MLLT1: variants seen among roughly 807,000 people sequenced by gnomAD.
The protein encoded by MLLT1 is MLLT1 super elongation complex subunit.
Under a neutral mutation model 55.1 loss-of-function variants are expected in MLLT1, and 11 were observed. That is an observed-to-expected ratio of 0.20 (90% confidence interval 0.13 to 0.33). MLLT1 has a LOEUF of 0.33. Among genes scored for constraint, MLLT1 ranks in the 10% least tolerant of loss-of-function variants. The pLI is 1.00. For missense variants in MLLT1, 536 were observed against 760.6 expected (o/e 0.70, Z 3.47); for synonymous variants, 323 against 320.1 (o/e 1.01, Z -0.10).
At chr19:6,253,754 T>G (rs1324707011) in intron 3 of MLLT1, among the ~76,000 whole-genome samples, 1 of 152,106 alleles carries the variant, frequency 6.6e-6, no homozygotes, top group Non-Finnish European at 1.5e-5. Context: ...TAGAGACAGA[T>G]AAGAGCATGT....
In MLLT1 at chr19:6,262,613, G is replaced by T. The variant is rs1291139228; in HGVS notation, c.194-303C>A. Among the ~76,000 whole-genome samples the T allele has an allele frequency of 6.6e-6, 1 of 152,174 alleles. No homozygotes were observed. The highest frequency in any genetic ancestry group is 1.5e-5 in the Non-Finnish European group (1 of 68,016). ...ACTTGCTCCTGCAGAGGATGAGGAGGCTGAGGCCAGAGAAGGCTGCACAAG... is the reference window on the plus strand; with the variant it reads ...ACTTGCTCCTGCAGAGGATGAGGAGTCTGAGGCCAGAGAAGGCTGCACAAG... On this transcript the variant is annotated intron_variant, in intron 2 of 11. Transcript: ENST00000252674. The surrounding 1 kb of genome is among the most constrained non-coding windows in gnomAD (Gnocchi z 4.4).
In MLLT1 at chr19:6,240,733, G is replaced by A. The variant is rs1171403141; in HGVS notation, c.277-10020C>T. 2.0e-5 allele frequency among the ~76,000 whole-genome samples: 3 copies of A among 152,118 alleles called. No individual in the cohort carries two copies. Among genetic ancestry groups the A allele is most frequent in the African/African-American group, 7.2e-5 (3 of 41,418 alleles). On this transcript the variant is annotated intron_variant, in intron 3 of 11. Coordinates refer to ENST00000252674, the MANE Select transcript of MLLT1 (RefSeq NM_005934.4). The surrounding 1 kb of genome is among the most constrained non-coding windows in gnomAD (Gnocchi z 4.7). Reference sequence around the variant, plus strand: ...CTACGAACCTCCCGAGACAGCAGGAGAATTCAGGGGCAGAGGGAAGGAAAA... The same window carrying A: ...CTACGAACCTCCCGAGACAGCAGGAAAATTCAGGGGCAGAGGGAAGGAAAA...
Position 6,230,455 on chromosome 19 carries a change from C to A in MLLT1, c.420+115G>T. 7.6e-7 allele frequency: 1 copy of A among 1,308,932 alleles called. No homozygotes were observed. The highest frequency in any genetic ancestry group is 1.0e-6 in the Non-Finnish European group (1 of 957,890). 81.1% of individuals were successfully genotyped at this position (1,308,932 alleles called of 1,614,324 possible). On this transcript the variant is annotated intron_variant, in intron 4 of 11. Transcript: ENST00000252674. This position sits in a 1 kb window ranked among gnomAD's most constrained non-coding sequence, Gnocchi z 9.0. The stretch of plus-strand genomic sequence containing the variant: ...AGCTCTGCTGGGTGCTGCCGTGTGA[C>A]CTGCGCCTTGGGTCTCGGCCCCCAG...
intron 3 of MLLT1, among the ~76,000 whole-genome samples, chr19:6,247,365 C>T (rs936216864): frequency 3.3e-5 from 5 of 152,154 alleles, no homozygotes; most frequent in Non-Finnish European, 5.9e-5. Context: ...GGGAAATACA[C>T]GGTGAGCCTG....
intron 2 of MLLT1, among the ~76,000 whole-genome samples, chr19:6,269,889 G>T (rs752557406): frequency 2.0e-5 from 3 of 152,206 alleles, no homozygotes; most frequent in African/African-American, 7.2e-5. Context: ...CGACTCAGCG[G>T]TAAGAAAAGT....
At chr19:6,279,254 A>T (rs1055986815) in intron 1 of MLLT1, among the ~76,000 whole-genome samples, 4 of 152,040 alleles carry the variant, frequency 2.6e-5, no homozygotes, top group Non-Finnish European at 5.9e-5. Flanking sequence ...CGACTCGGGG[A>T]CAAGGGTCCA....
At chr19:6,264,246 C>A (rs2091328405) in intron 2 of MLLT1, among the ~76,000 whole-genome samples, 1 of 150,474 alleles carries the variant, frequency 6.6e-6, no homozygotes, top group South Asian at 2.1e-4. Context: ...TCCCCCTCCA[C>A]CCCTCCCCAC....
chr19:6,262,398 A>C lies in MLLT1; in HGVS notation c.194-88T>G, dbSNP rs1600213116. 6 of 1,064,230 alleles carry C rather than the reference A, an allele frequency of 5.6e-6. No individual in the cohort carries two copies. Among genetic ancestry groups the C allele is most frequent in the Non-Finnish European group, 8.3e-6 (6 of 719,074 alleles). The allele number at this position is 1,064,230 out of a possible 1,614,324, so 65.9% of individuals were successfully genotyped here. A position where few individuals can be genotyped will look rare whatever the true frequency, so the allele number is the denominator to read the frequency against. On this transcript the variant is annotated intron_variant, in intron 2 of 11. Transcript: ENST00000252674. The surrounding 1 kb of genome is among the most constrained non-coding windows in gnomAD (Gnocchi z 4.4). ...CGGCAGTACCGCACCCCTCAACCCC[A>C]CCACCTCCTCACAGGGGCTTGGCTG...
chr19:6,223,458 T>C (rs2090924209), intron 5 of MLLT1, among the ~76,000 whole-genome samples: 1 of 152,168 alleles, frequency 6.6e-6, no homozygotes. Context: ...AGAGGTAAGA[T>C]GATGGCAGAG....
chr19:6,213,989 G>A lies in MLLT1; in HGVS notation c.1357C>T (p.Pro453Ser). Residue 453 changes from proline to serine, a missense_variant, in exon 9 of 12, where the codon CCC (proline) becomes TCC (serine). Coordinates refer to ENST00000252674, the MANE Select transcript of MLLT1 (RefSeq NM_005934.4). ...TGGGGGGGTGGGGGCTCACGGCTGG[G>A]CAGGGAGGAGTCGGCGCTGTTGTCA... The part of the protein sequence containing the change: ...ESDNSADSSL[P>S]SREPPPPQKP... 6.8e-7 allele frequency: 1 copy of A among 1,461,446 alleles called. No homozygotes were observed. The highest frequency in any genetic ancestry group is 9.0e-7 in the Non-Finnish European group (1 of 1,108,338). The allele number at this position is 1,461,446 out of a possible 1,614,324, so 90.5% of individuals were successfully genotyped here.
At chr19:6,253,158 G>A (rs1342905546) in intron 3 of MLLT1, among the ~76,000 whole-genome samples, 1 of 150,692 alleles carries the variant, frequency 6.6e-6, no homozygotes, top group Non-Finnish European at 1.5e-5. Flanking sequence ...CCAGCTACTC[G>A]GGAGGCTGAA....
chr19:6,273,537 T>C lies in MLLT1; in HGVS notation c.13-2778A>G, dbSNP rs568579019. On this transcript the variant is annotated intron_variant, in intron 1 of 11. Transcript: ENST00000252674. The surrounding 1 kb of genome is among the most constrained non-coding windows in gnomAD (Gnocchi z 4.3). ...AATACTCAGGCCAAGCACGAGTGTC[T>C]GCCTGAACACCACCGCATTCCAACA... 6.6e-6 allele frequency among the ~76,000 whole-genome samples: 1 copy of C among 152,296 alleles called. No individual in the cohort carries two copies. Among genetic ancestry groups the C allele is most frequent in the South Asian group, 2.1e-4 (1 of 4,822 alleles).
In MLLT1 at chr19:6,262,577, G is replaced by A. The variant is rs1437140830; in HGVS notation, c.194-267C>T. The stretch of plus-strand genomic sequence containing the variant: ...AGAGAGTGAGAAGGAACGTTAGCCT[G>A]TCATCGGGATACTTGCTCCTGCAGA... On this transcript the variant is annotated intron_variant, in intron 2 of 11. Coordinates refer to ENST00000252674, the MANE Select transcript of MLLT1 (RefSeq NM_005934.4). The surrounding 1 kb of genome is among the most constrained non-coding windows in gnomAD (Gnocchi z 4.4). 2.6e-5 allele frequency among the ~76,000 whole-genome samples: 4 copies of A among 152,222 alleles called. No individual in the cohort carries two copies. Among genetic ancestry groups the A allele is most frequent in the Non-Finnish European group, 5.9e-5 (4 of 68,032 alleles).
At chr19:6,276,555 C>T (rs1470193926) in intron 1 of MLLT1, among the ~76,000 whole-genome samples, 3 of 152,146 alleles carry the variant, frequency 2.0e-5, no homozygotes, top group Non-Finnish European at 4.4e-5. Flanking sequence ...GCTGACACCA[C>T]CTCCCAGCTC....
intron 3 of MLLT1, among the ~76,000 whole-genome samples, chr19:6,249,011 G>A (rs377755745): frequency 2.0e-5 from 3 of 152,100 alleles, no homozygotes; most frequent in African/African-American, 4.8e-5. Flanking sequence ...GAGCAGCTTG[G>A]GTGTGTGAAT....
At chr19:6,260,329 T>C (rs1158397647) in intron 3 of MLLT1, among the ~76,000 whole-genome samples, 1 of 152,180 alleles carries the variant, frequency 6.6e-6, no homozygotes, top group African/African-American at 2.4e-5. Context: ...GGAGTCTGCA[T>C]TTCAGACTCA....
Position 6,227,082 on chromosome 19 carries a change from T to C in MLLT1, c.441A>G (p.Gly147=). ...RAGGVMVMPE[G]ADTVSRPSPD... is the part of the protein sequence containing the mutation. Reference sequence around the variant, plus strand: ...GACTGGGCCTGGACACCGTGTCTGCTCCTTCGGGCATTACCATCACCTAGT... The same window carrying C: ...GACTGGGCCTGGACACCGTGTCTGCCCCTTCGGGCATTACCATCACCTAGT... Residue 147 remains glycine (G), a synonymous_variant, in exon 5 of 12, where the codon GGA becomes GGG. Transcript: ENST00000252674. The surrounding 1 kb of genome is among the most constrained non-coding windows in gnomAD (Gnocchi z 5.1). The C allele has an allele frequency of 6.2e-7, 1 of 1,600,710 alleles. No homozygotes were observed. The highest frequency in any genetic ancestry group is 2.3e-5 in the East Asian group (1 of 43,296).
intron 1 of MLLT1, among the ~76,000 whole-genome samples, chr19:6,279,025 G>A (rs1288454247): frequency 6.6e-6 from 1 of 152,090 alleles, no homozygotes; most frequent in Non-Finnish European, 1.5e-5. Context: ...CTGGGGTTGG[G>A]AGAGAAAGGG....
chr19:6,258,590 C>G (rs1447917872), intron 3 of MLLT1, among the ~76,000 whole-genome samples: 1 of 152,216 alleles, frequency 6.6e-6, no homozygotes, highest in African/African-American at 2.4e-5. Flanking sequence ...ATCCTACCAA[C>G]AGGTCAAACA....
Sources: gnomAD v4.1 joint callset for allele counts (sites outside exome capture counted in the v4.1 genomes callset) on GRCh38, gnomAD v4.1.1 for gene constraint, Gnocchi (gnomAD v3.1) non-coding constraint, MANE v1.5 for transcripts, NCBI Gene and HGNC (gene_info 2026-07-23, HGNC 2026-07-21) for gene names.